PALM2AKAP2: variants seen among roughly 807,000 people sequenced by gnomAD.
The protein encoded by PALM2AKAP2 is PALM2 and AKAP2 fusion.
In PALM2AKAP2, 37 loss-of-function variants were observed where a neutral mutation model predicts 71.5. The observed-to-expected ratio is 0.52, with a 90% confidence interval of 0.40 to 0.68. The LOEUF is 0.68. Ranked by LOEUF, PALM2AKAP2 falls within the 30% of genes least tolerant of loss-of-function variation. The pLI, the probability that PALM2AKAP2 is intolerant of heterozygous loss-of-function variation, is 0.00. For synonymous variants in PALM2AKAP2, 468 were observed against 478.8 expected, an observed-to-expected ratio of 0.98 and a Z score of 0.29; for missense variants, 1,224 against 1,191.8, an observed-to-expected ratio of 1.03 and a Z score of -0.40.
rs896707074 is a variant in PALM2AKAP2 at position 110,101,624 on chromosome 9, C to T, written c.157-34503C>T. Among the ~76,000 whole-genome samples, 13 of 152,084 alleles carry T rather than the reference C, an allele frequency of 8.5e-5. 1 individual carries two copies. The highest frequency in any genetic ancestry group is 2.0e-4 in the Admixed American group (3 of 15,264). ...GCCACGTGCTTTCAGGTGCAAACAG[C>T]GGCCGCCTTTTTTCACTGGACATCA... On this transcript the variant is annotated intron_variant, in intron 1 of 3. Transcript: ENST00000374525.
At chr9:109,774,901 A>C (rs1829327288) in intron 1 of PALM2AKAP2, among the ~76,000 whole-genome samples, 1 of 152,180 alleles carries the variant, frequency 6.6e-6, no homozygotes. Flanking sequence ...TCTGTGTCAT[A>C]TCTACCTCCT....
intron 1 of PALM2AKAP2, among the ~76,000 whole-genome samples, chr9:109,819,786 G>T (rs901831933): frequency 2.0e-5 from 3 of 151,826 alleles, no homozygotes. Flanking sequence ...CATATACAAA[G>T]ATCAGCCACC....
intron 1 of PALM2AKAP2, among the ~76,000 whole-genome samples, chr9:109,664,450 C>T (rs112517621): frequency 0.014 from 2,183 of 152,244 alleles, 64 homozygotes; most frequent in African/African-American, 0.051. Flanking sequence ...ACTTTTGAAG[C>T]TTGGTTTGAC....
In PALM2AKAP2 at chr9:109,949,239, GTCTCCTCACAGTCCT is replaced by G. The variant is rs572958798; in HGVS notation, c.496+17214_496+17228del. 1.7e-4 allele frequency among the ~76,000 whole-genome samples: 26 copies of G among 152,264 alleles called. 1 individual carries two copies. The East Asian group carries it at 3.1e-3, about 18-fold the overall frequency. On this transcript the variant is annotated intron_variant, in intron 6 of 9. Coordinates refer to the PALM2AKAP2 transcript ENST00000302798. ...ATGGAGCGCATGACCTCTTGTAGTC[GTCTCCTCACAGTCCT>G]TCCCACTGTGAGAGAAGGAAACTTG...
intron 1 of PALM2AKAP2, among the ~76,000 whole-genome samples, chr9:110,072,174 G>T (rs1458505179): frequency 1.3e-5 from 2 of 152,120 alleles, no homozygotes; most frequent in African/African-American, 4.8e-5. Context: ...AACTGTTGAT[G>T]TGGGCAAAAA....
chr9:110,103,197 CTGTTT>C (rs899986375), intron 1 of PALM2AKAP2, among the ~76,000 whole-genome samples: 27 of 152,268 alleles, frequency 1.8e-4, no homozygotes, highest in African/African-American at 6.0e-4. Flanking sequence ...GTTCGTAATT[CTGTTT>C]TGTTTTTTCA....
intron 3 of PALM2AKAP2, among the ~76,000 whole-genome samples, chr9:110,163,899 G>A (rs1836665714): frequency 6.6e-6 from 1 of 152,096 alleles, no homozygotes; most frequent in South Asian, 2.1e-4. Context: ...ATATTTAGGA[G>A]TAGAAGCACT....
chr9:109,973,305 T>C (rs4978866), intron 6 of PALM2AKAP2, among the ~76,000 whole-genome samples: 19,559 of 152,276 alleles, frequency 0.13, 1,613 homozygotes, highest in East Asian at 0.25. Flanking sequence ...GTTGGCCTTC[T>C]CTCTACATTA....
chr9:109,934,061 GTTGT>G (rs1341770111), intron 6 of PALM2AKAP2, among the ~76,000 whole-genome samples: 1 of 152,186 alleles, frequency 6.6e-6, no homozygotes, highest in Non-Finnish European at 1.5e-5. Flanking sequence ...AAATATCCTG[GTTGT>G]TTGGCGTTTG....
intron 1 of PALM2AKAP2, among the ~76,000 whole-genome samples, chr9:109,841,455 T>C (rs1195071990): frequency 1.1e-4 from 14 of 127,698 alleles, no homozygotes; most frequent in Non-Finnish European, 1.7e-4. Context: ...ACATGGCACA[T>C]GTATACCTAT....
intron 1 of PALM2AKAP2, among the ~76,000 whole-genome samples, chr9:109,729,181 A>C (rs950681420): frequency 6.6e-6 from 1 of 152,106 alleles, no homozygotes; most frequent in Non-Finnish European, 1.5e-5. Context: ...CTCTCCAGAG[A>C]GTGACTCCTC....
chr9:109,766,426 G>C (rs2118751652), intron 1 of PALM2AKAP2, among the ~76,000 whole-genome samples: 1 of 152,296 alleles, frequency 6.6e-6, no homozygotes, highest in East Asian at 1.9e-4. Flanking sequence ...TGACTGACAG[G>C]CATAGGCTAT....
intron 1 of PALM2AKAP2, among the ~76,000 whole-genome samples, chr9:110,092,464 T>C (rs1383878249): frequency 6.6e-6 from 1 of 152,254 alleles, no homozygotes; most frequent in South Asian, 2.1e-4. Flanking sequence ...TTATATGCTT[T>C]TTTAAACCCA....
Position 110,070,083 on chromosome 9 carries a change from T to A in PALM2AKAP2, c.156+21228T>A, listed in dbSNP as rs1447258204. 3.9e-5 allele frequency among the ~76,000 whole-genome samples: 6 copies of A among 152,130 alleles called. No individual in the cohort carries two copies. The South Asian group carries it at 1.0e-3, about 26-fold the overall frequency. ...CTGGAAAACTCCAGAGAGGGAAGCT[T>A]GTGACCATGACTCCTAGCAGAGCGG... On this transcript the variant is annotated intron_variant, in intron 1 of 3. Coordinates refer to ENST00000374525, the Ensembl canonical transcript of PALM2AKAP2.
At chr9:109,870,023 G>C (rs540144756) in intron 2 of PALM2AKAP2, among the ~76,000 whole-genome samples, 25 of 152,282 alleles carry the variant, frequency 1.6e-4, no homozygotes, top group Admixed American at 4.6e-4. Flanking sequence ...AGGTTCCAAA[G>C]GTGGCAGTGG....
chr9:109,697,948 C>T (rs1462768728), intron 1 of PALM2AKAP2, among the ~76,000 whole-genome samples: 2 of 152,170 alleles, frequency 1.3e-5, no homozygotes, highest in East Asian at 3.8e-4. Context: ...CCTGTGGCCA[C>T]ATAGACATTG....
At chr9:109,797,353 A>T (rs1260721591) in intron 1 of PALM2AKAP2, among the ~76,000 whole-genome samples, 1 of 152,134 alleles carries the variant, frequency 6.6e-6, no homozygotes, top group African/African-American at 2.4e-5. Flanking sequence ...TGCTTTGCCA[A>T]CTTCACCTTT....
intron 1 of PALM2AKAP2, among the ~76,000 whole-genome samples, chr9:109,848,456 T>G (rs1828922779): frequency 6.6e-6 from 1 of 152,214 alleles, no homozygotes. Context: ...TGACTTATCT[T>G]TGTGCCCACT....
intron 7 of PALM2AKAP2, among the ~76,000 whole-genome samples, chr9:110,016,676 A>T (rs1832985394): frequency 1.3e-5 from 2 of 152,186 alleles, no homozygotes; most frequent in Admixed American, 1.3e-4. Context: ...AGGTGCCACC[A>T]TTTCCCCTCT....
Sources: gnomAD v4.1 joint callset for allele counts (sites outside exome capture counted in the v4.1 genomes callset) on GRCh38, gnomAD v4.1.1 for gene constraint, MANE v1.5 for transcripts, NCBI Gene and HGNC (gene_info 2026-07-23, HGNC 2026-07-21) for gene names.